The following GRIK1 variants were observed in gnomAD, a reference collection of about 807,000 sequenced individuals.
GRIK1 encodes glutamate ionotropic receptor kainate type subunit 1.
A neutral mutation model predicts 105.7 loss-of-function variants in GRIK1; 69 were observed. The ratio of observed to expected loss-of-function variants is 0.65; its 90% CI spans 0.54 to 0.80. GRIK1 has a LOEUF of 0.80. GRIK1 is among the 30% of genes least tolerant of loss of function. The pLI, the probability that GRIK1 is intolerant of heterozygous loss-of-function variation, is 0.00. For missense variants in GRIK1, 1,109 were observed against 1,167.3 expected (o/e 0.95, Z 0.73); for synonymous variants, 438 against 431.3 (o/e 1.02, Z -0.19).
chr21:29,651,214 G>GC lies in GRIK1; in HGVS notation c.857_858insG (p.Asp286GlufsTer10), dbSNP rs2062728926. 6.2e-7 allele frequency: 1 copy of GC among 1,613,436 alleles called. No individual in the cohort carries two copies. Among genetic ancestry groups the GC allele is most frequent in the Admixed American group, 1.7e-5 (1 of 60,008 alleles). The stretch of plus-strand genomic sequence containing the variant: ...CAATGATGGATGACACGTGAGGGTT[G>GC]TCAATGTTAAGCAGCCGAAACCCGG... On this transcript the variant is annotated frameshift_variant, in exon 6 of 18. Coordinates refer to ENST00000327783, the MANE Select transcript of GRIK1 (RefSeq NM_001330994.2). LOFTEE classifies it high-confidence loss of function.
intron 1 of GRIK1, among the ~76,000 whole-genome samples, chr21:29,849,569 G>T (rs978261080): frequency 6.6e-6 from 1 of 152,182 alleles, no homozygotes; most frequent in African/African-American, 2.4e-5. Context: ...AGTGTAGAGT[G>T]ATGTCAGGAA....
intron 1 of GRIK1, among the ~76,000 whole-genome samples, chr21:29,707,952 A>G (rs937543916): frequency 6.6e-6 from 1 of 152,184 alleles, no homozygotes; most frequent in African/African-American, 2.4e-5. Context: ...TATACATTCT[A>G]TTATGATTGA....
intron 1 of GRIK1, among the ~76,000 whole-genome samples, chr21:29,736,536 T>C (rs1243512159): frequency 6.6e-6 from 1 of 151,838 alleles, no homozygotes; most frequent in African/African-American, 2.4e-5. Context: ...GTCCTGAAAA[T>C]TAGTATTATT....
intron 7 of GRIK1, among the ~76,000 whole-genome samples, chr21:29,611,301 C>A (rs1268523351): frequency 6.6e-6 from 1 of 152,052 alleles, no homozygotes; most frequent in Non-Finnish European, 1.5e-5. Flanking sequence ...CAGAAGATGA[C>A]CTCAAAGGTT....
intron 7 of GRIK1, among the ~76,000 whole-genome samples, chr21:29,599,778 G>A (rs2061483645): frequency 6.6e-6 from 1 of 151,972 alleles, no homozygotes. Flanking sequence ...GGGCAACAGA[G>A]CAAGACTCTG....
intron 1 of GRIK1, among the ~76,000 whole-genome samples, chr21:29,897,467 T>C (rs1455680142): frequency 6.6e-6 from 1 of 152,212 alleles, no homozygotes; most frequent in Non-Finnish European, 1.5e-5. Flanking sequence ...ACATGTATTT[T>C]CCTCTATAGG....
At chr21:29,612,916 G>A (rs917281906) in intron 7 of GRIK1, among the ~76,000 whole-genome samples, 2 of 152,112 alleles carry the variant, frequency 1.3e-5, no homozygotes, top group South Asian at 2.1e-4. Flanking sequence ...TACTTAAATA[G>A]CATTTTAATT....
At chr21:29,738,352 G>C (rs769439057) in intron 1 of GRIK1, among the ~76,000 whole-genome samples, 2 of 152,198 alleles carry the variant, frequency 1.3e-5, no homozygotes, top group Non-Finnish European at 2.9e-5. Flanking sequence ...CCTTTGAGAA[G>C]ATTCCAAACT....
chr21:29,609,364 T>A (rs547741582), intron 7 of GRIK1, among the ~76,000 whole-genome samples: 1 of 152,176 alleles, frequency 6.6e-6, no homozygotes. Flanking sequence ...TACAAATTTG[T>A]CCTTTTTATA....
chr21:29,801,862 CTTTT>C (rs543667536), intron 1 of GRIK1, among the ~76,000 whole-genome samples: 2 of 151,998 alleles, frequency 1.3e-5, no homozygotes, highest in African/African-American at 4.8e-5. Flanking sequence ...TACCCACTCT[CTTTT>C]TTTTCTTTTC....
At chr21:29,827,627 T>G (rs377024087) in intron 1 of GRIK1, among the ~76,000 whole-genome samples, 1 of 152,016 alleles carries the variant, frequency 6.6e-6, no homozygotes, top group Non-Finnish European at 1.5e-5. Flanking sequence ...AAAAAGACTT[T>G]AATGGATCTA....
intron 15 of GRIK1, among the ~76,000 whole-genome samples, chr21:29,560,519 C>CTTCCTTTCTTT (rs1568815488): frequency 1.7e-5 from 1 of 57,812 alleles, no homozygotes; most frequent in Non-Finnish European, 3.0e-5. Context: ...TTCCTTCCTT[C>CTTCCTTTCTTT]CTTTCTTTCT....
chr21:29,637,433 G>A (rs896970878), intron 7 of GRIK1, among the ~76,000 whole-genome samples: 1 of 152,152 alleles, frequency 6.6e-6, no homozygotes, highest in African/African-American at 2.4e-5. Flanking sequence ...AGCTTGCTAT[G>A]GTATTCTGGT....
intron 1 of GRIK1, among the ~76,000 whole-genome samples, chr21:29,820,497 G>T (rs1033034252): frequency 6.6e-6 from 1 of 152,034 alleles, no homozygotes; most frequent in African/African-American, 2.4e-5. Flanking sequence ...GCAAAAATAG[G>T]TAGCAGAATG....
chr21:29,618,898 T>TG (rs558855947), intron 7 of GRIK1, among the ~76,000 whole-genome samples: 11 of 147,554 alleles, frequency 7.5e-5, no homozygotes, highest in Non-Finnish European at 1.6e-4. Context: ...GAGGCCGAGG[T>TG]GGGCAGATCA....
intron 1 of GRIK1, among the ~76,000 whole-genome samples, chr21:29,799,230 T>C (rs1443077609): frequency 6.6e-6 from 1 of 152,212 alleles, no homozygotes; most frequent in African/African-American, 2.4e-5. Flanking sequence ...TGCTTAATTT[T>C]ATAATTAGAA....
intron 1 of GRIK1, among the ~76,000 whole-genome samples, chr21:29,740,778 G>A (rs2064907249): frequency 6.6e-6 from 1 of 152,132 alleles, no homozygotes; most frequent in African/African-American, 2.4e-5. Flanking sequence ...TGTTACATGG[G>A]AACCATGGTT....
In GRIK1 at chr21:29,915,037, T is replaced by G. The variant is rs372957024; in HGVS notation, c.118+24346A>C. Among the ~76,000 whole-genome samples the G allele has an allele frequency of 1.6e-4, 25 of 152,196 alleles. No homozygotes were observed. In the East Asian group the frequency reaches 2.1e-3, roughly 13 times the overall value. ...TTTTTACATAATTTCTAAAGAAATATAGGTGATGCACCCAAAAGTATCATC... is the reference window on the plus strand; with the variant it reads ...TTTTTACATAATTTCTAAAGAAATAGAGGTGATGCACCCAAAAGTATCATC... On this transcript the variant is annotated intron_variant, in intron 1 of 17. Transcript: ENST00000327783.
chr21:29,697,871 C>G (rs1183737503), intron 1 of GRIK1, among the ~76,000 whole-genome samples: 6 of 152,084 alleles, frequency 3.9e-5, no homozygotes, highest in Non-Finnish European at 8.8e-5. Flanking sequence ...CTTTCCCTCT[C>G]TTTTTTTCCT....
Sources: gnomAD v4.1 joint callset for allele counts (sites outside exome capture counted in the v4.1 genomes callset) on GRCh38, gnomAD v4.1.1 for gene constraint, MANE v1.5 for transcripts, NCBI Gene and HGNC (gene_info 2026-07-23, HGNC 2026-07-21) for gene names.